The following RHEB variants were observed in gnomAD, a reference collection of about 807,000 sequenced individuals.
RHEB encodes GTP-binding protein Rheb.
Under a neutral mutation model 28.8 loss-of-function variants are expected in RHEB, and 2 were observed. The ratio of observed to expected loss-of-function variants is 0.07; its 90% confidence interval spans 0.03 to 0.22. The LOEUF is 0.22. Among genes scored for constraint, RHEB ranks in the 10% least tolerant of loss-of-function variants. The pLI, the probability that RHEB is intolerant of heterozygous loss-of-function variation, is 1.00. For synonymous variants in RHEB, 69 were observed against 77.3 expected (o/e 0.89, Z 0.56); for missense variants, 76 against 219.9 (o/e 0.35, Z 4.14).
At chr7:151,487,664 G>A (rs1265127983) in intron 2 of RHEB, among the ~76,000 whole-genome samples, 1 of 152,060 alleles carries the variant, frequency 6.6e-6, no homozygotes, top group Non-Finnish European at 1.5e-5. Flanking sequence ...ATAGAAAAAA[G>A]GGAGGTATAA....
chr7:151,502,221 G>T, intron 1 of RHEB: 1 of 469,160 alleles, frequency 2.1e-6, no homozygotes, highest in African/African-American at 2.2e-5. Context: ...GGGCGACAGA[G>T]CTGTCTCAAA....
At chr7:151,502,872 C>T in intron 1 of RHEB, 2 of 874,102 alleles carry the variant, frequency 2.3e-6, no homozygotes, top group Non-Finnish European at 3.9e-6. Flanking sequence ...CTAAGTCAAT[C>T]TGATATGTTT....
At chr7:151,514,234 T>C (rs1337268895) in intron 1 of RHEB, among the ~76,000 whole-genome samples, 2 of 152,082 alleles carry the variant, frequency 1.3e-5, no homozygotes, top group Non-Finnish European at 2.9e-5. Flanking sequence ...CACAAATAGA[T>C]CACAGATCTA....
At chr7:151,479,162 G>T (rs1197652966) in intron 3 of RHEB, among the ~76,000 whole-genome samples, 1 of 152,162 alleles carries the variant, frequency 6.6e-6, no homozygotes, top group Non-Finnish European at 1.5e-5. Context: ...AGACCTGACA[G>T]ATATGAGAAT....
intron 3 of RHEB, among the ~76,000 whole-genome samples, chr7:151,483,852 G>A (rs1296429157): frequency 4.6e-5 from 7 of 152,194 alleles, no homozygotes; most frequent in Non-Finnish European, 1.0e-4. Context: ...TAATGGGGCA[G>A]CTAAGCTGTC....
At chr7:151,499,673 T>A (rs1258050851) in intron 1 of RHEB, among the ~76,000 whole-genome samples, 1 of 152,206 alleles carries the variant, frequency 6.6e-6, no homozygotes, top group Non-Finnish European at 1.5e-5. Context: ...AAACACCAAC[T>A]GAAGTCCTAC....
At chr7:151,487,213 T>C (rs1158880833) in intron 2 of RHEB, among the ~76,000 whole-genome samples, 2 of 152,180 alleles carry the variant, frequency 1.3e-5, no homozygotes, top group East Asian at 1.9e-4. Flanking sequence ...TGAGGAAAGA[T>C]CATTTTAAGC....
chr7:151,486,640 G>C (rs1322289874), intron 2 of RHEB, among the ~76,000 whole-genome samples: 1 of 152,208 alleles, frequency 6.6e-6, no homozygotes, highest in Non-Finnish European at 1.5e-5. Flanking sequence ...AATGTGAGGA[G>C]AAACCAAGGA....
At chr7:151,494,970 T>G (rs745332348) in intron 1 of RHEB, among the ~76,000 whole-genome samples, 6 of 152,222 alleles carry the variant, frequency 3.9e-5, no homozygotes, top group Non-Finnish European at 8.8e-5. Flanking sequence ...TCAGTTCCAG[T>G]TGTAATTTCT....
intron 1 of RHEB, chr7:151,498,187 G>A (rs1162196934): frequency 2.3e-6 from 3 of 1,285,726 alleles, no homozygotes; most frequent in South Asian, 2.5e-5. Context: ...GAACCTTCAA[G>A]GAAAAGGTCA....
intron 1 of RHEB, chr7:151,502,257 A>G (rs1584863659): frequency 1.1e-5 from 6 of 536,556 alleles, no homozygotes; most frequent in Non-Finnish European, 6.8e-6. Flanking sequence ...AGGAGCTTGG[A>G]GGCAGCCTGC....
chr7:151,508,534 T>C (rs950021573), intron 1 of RHEB, among the ~76,000 whole-genome samples: 2 of 152,254 alleles, frequency 1.3e-5, no homozygotes, highest in African/African-American at 4.8e-5. Context: ...AATAACATTT[T>C]GGACATACTG....
chr7:151,489,810 T>C (rs1349954934), intron 2 of RHEB, among the ~76,000 whole-genome samples: 1 of 152,262 alleles, frequency 6.6e-6, no homozygotes. Context: ...TATGCTTAAA[T>C]GGAAAAACCT....
chr7:151,487,901 A>C (rs1288532991), intron 2 of RHEB, among the ~76,000 whole-genome samples: 1 of 152,168 alleles, frequency 6.6e-6, no homozygotes, highest in Non-Finnish European at 1.5e-5. Flanking sequence ...GAGGTTTCCA[A>C]AATTTGGTGT....
chr7:151,501,892 C>A, intron 1 of RHEB: 1 of 685,294 alleles, frequency 1.5e-6, no homozygotes. Context: ...TGGACGACCC[C>A]AGTGCTGTGG....
At chr7:151,501,586 T>C (rs377609536) in intron 1 of RHEB, among the ~76,000 whole-genome samples, 16 of 152,222 alleles carry the variant, frequency 1.1e-4, no homozygotes, top group African/African-American at 3.6e-4. Context: ...AGCAATCTCA[T>C]TCCTAAGTAT....
chr7:151,485,706 T>C (rs1802459938), intron 2 of RHEB, among the ~76,000 whole-genome samples: 1 of 152,102 alleles, frequency 6.6e-6, no homozygotes, highest in South Asian at 2.1e-4. Context: ...CAAATGGAAA[T>C]TATGTGAGAA....
chr7:151,479,491 G>A (rs1219412723), intron 3 of RHEB, among the ~76,000 whole-genome samples: 1 of 152,088 alleles, frequency 6.6e-6, no homozygotes, highest in Non-Finnish European at 1.5e-5. Context: ...TATCATCCTG[G>A]CTAACACAGT....
At chr7:151,516,615 T>C in intron 1 of RHEB, among the ~76,000 whole-genome samples, 1 of 95,058 alleles carries the variant, frequency 1.1e-5, no homozygotes, top group Non-Finnish European at 1.9e-5. Context: ...AGAGTGAGAC[T>C]CTGTCACAAA....
Sources: gnomAD v4.1 joint callset for allele counts (sites outside exome capture counted in the v4.1 genomes callset) on GRCh38, gnomAD v4.1.1 for gene constraint, MANE v1.5 for transcripts, NCBI Gene and HGNC (gene_info 2026-07-23, HGNC 2026-07-21) for gene names.